ZNF469: variants seen among roughly 807,000 people sequenced by gnomAD.
The protein encoded by ZNF469 is zinc finger protein 469.
A neutral mutation model predicts 1.0 loss-of-function variants in ZNF469; 1 was observed. That is an observed-to-expected ratio of 1.00 (90% confidence interval 0.35 to 4.73). The LOEUF is 4.73. Ranked by LOEUF, ZNF469 falls within the 30% of genes most tolerant of loss-of-function variation. The pLI, the probability that ZNF469 is intolerant of heterozygous loss-of-function variation, is 0.16. For synonymous variants in ZNF469, 2,703 were observed against 2,363.4 expected (o/e 1.14, Z -4.17); for missense variants, 6,100 against 5,356.3 (o/e 1.14, Z -4.33).
upstream of ZNF469, among the ~76,000 whole-genome samples, chr16:88,378,803 G>C (rs969737579): frequency 1.1e-4 from 17 of 152,338 alleles, 1 homozygote; most frequent in East Asian, 2.1e-3. Context: ...GAGCCCATGA[G>C]ATCACAGGTG....
At chr16:88,253,969 T>A in the ZNF469 span, among the ~76,000 whole-genome samples, 2 of 152,262 alleles carry the variant, frequency 1.3e-5, no homozygotes, top group African/African-American at 4.8e-5. Flanking sequence ...AGCTTTTTTT[T>A]TTCCATTTCC....
chr16:88,155,565 CGTGGCCTCTGCCT>C, the ZNF469 span, among the ~76,000 whole-genome samples: 2 of 152,212 alleles, frequency 1.3e-5, no homozygotes, highest in African/African-American at 4.8e-5. Context: ...TCACACAAGA[CGTGGCCTCTGCCT>C]GTGGCCTCTT....
At chr16:88,202,351 G>T in the ZNF469 span, among the ~76,000 whole-genome samples, 1 of 152,114 alleles carries the variant, frequency 6.6e-6, no homozygotes, top group Admixed American at 6.5e-5. Context: ...GCTCAGGACC[G>T]GGGGCTGCTT....
At chr16:88,357,442 G>T in the ZNF469 span, among the ~76,000 whole-genome samples, 580 of 152,214 alleles carry the variant, frequency 3.8e-3, 5 homozygotes, top group African/African-American at 0.013. Flanking sequence ...GGAAGTGTAG[G>T]TTCGAGTCTC....
chr16:88,420,521 C>T (rs1033259148), intron 1 of ZNF469, among the ~76,000 whole-genome samples: 1 of 152,194 alleles, frequency 6.6e-6, no homozygotes, highest in South Asian at 2.1e-4. Context: ...GCAGTGCAGC[C>T]GAGTGTGCAG....
chr16:88,320,515 C>T, the ZNF469 span, among the ~76,000 whole-genome samples: 7 of 152,080 alleles, frequency 4.6e-5, no homozygotes, highest in Admixed American at 4.6e-4. Context: ...TCCAGAGTAG[C>T]CCGGATTACA....
intron 1 of ZNF469, among the ~76,000 whole-genome samples, chr16:88,394,357 G>C (rs1904594373): frequency 6.6e-6 from 1 of 151,616 alleles, no homozygotes; most frequent in Non-Finnish European, 1.5e-5. Context: ...CAGGTGCTCA[G>C]TGGCTTCAGA....
At chr16:88,394,588 T>G (rs994944602) in intron 1 of ZNF469, among the ~76,000 whole-genome samples, 1 of 152,028 alleles carries the variant, frequency 6.6e-6, no homozygotes, top group Non-Finnish European at 1.5e-5. Context: ...GGGTGTGAGG[T>G]GGGGCTGACA....
chr16:88,397,869 C>T (rs963254367), intron 1 of ZNF469, among the ~76,000 whole-genome samples: 11 of 152,272 alleles, frequency 7.2e-5, no homozygotes, highest in African/African-American at 2.4e-4. Context: ...GAGTGACAGT[C>T]GAGGTCAAGA....
chr16:88,402,851 G>A (rs1904921978), intron 1 of ZNF469, among the ~76,000 whole-genome samples: 1 of 152,184 alleles, frequency 6.6e-6, no homozygotes, highest in African/African-American at 2.4e-5. Context: ...AGGCCAGGCT[G>A]GGGCAGCGGT....
chr16:88,331,070 GACC>G, the ZNF469 span, among the ~76,000 whole-genome samples: 5 of 73,352 alleles, frequency 6.8e-5, no homozygotes, highest in South Asian at 9.8e-4. Flanking sequence ...CAACCATCAC[GACC>G]ACCACCACCA....
the ZNF469 span, among the ~76,000 whole-genome samples, chr16:88,332,995 G>T: frequency 6.6e-6 from 1 of 152,206 alleles, no homozygotes; most frequent in African/African-American, 2.4e-5. Context: ...AGCCTCTGTG[G>T]CACCCAGAGG....
At chr16:88,377,340 G>C in the ZNF469 span, among the ~76,000 whole-genome samples, 8 of 152,300 alleles carry the variant, frequency 5.3e-5, no homozygotes, top group Non-Finnish European at 7.4e-5. Flanking sequence ...CCATGGGCCC[G>C]GTGGCTTCCG....
chr16:88,222,420 C>G, the ZNF469 span, among the ~76,000 whole-genome samples: 3 of 152,184 alleles, frequency 2.0e-5, no homozygotes, highest in African/African-American at 7.2e-5. Flanking sequence ...TCCCGAGTAG[C>G]TGGGACTACA....
chr16:88,430,705 A>G lies in ZNF469; in HGVS notation c.3235A>G (p.Arg1079Gly), dbSNP rs966249641. The G allele has an allele frequency of 6.8e-7, 1 of 1,478,936 alleles. No individual in the cohort carries two copies. Among genetic ancestry groups the G allele is most frequent in the Non-Finnish European group, 8.9e-7 (1 of 1,123,946 alleles). The allele number at this position is 1,478,936 out of a possible 1,614,324, so 91.6% of individuals were successfully genotyped here. A position where few individuals can be genotyped will look rare whatever the true frequency, so the allele number is the denominator to read the frequency against. The change falls in exon 3 of 3, where the codon AGG becomes GGG. Residue 1079 changes from arginine (R) to glycine (G), a missense_variant. Coordinates refer to ENST00000565624, the MANE Select transcript of ZNF469 (RefSeq NM_001367624.2). ...CAGGTGCGGCTCCCTGGCGGCGGGG[A>G]GGCCCCGGCCCGGAGCTGAGGACCG... ...AGRCGSLAAG[R>G]PRPGAEDRRL...
chr16:88,385,260 A>G (rs2092534522), intron 1 of ZNF469, among the ~76,000 whole-genome samples: 1 of 151,914 alleles, frequency 6.6e-6, no homozygotes, highest in South Asian at 2.1e-4. Context: ...AGTGCCCTAG[A>G]TATCAGGCCA....
chr16:88,402,800 C>T (rs28583358), intron 1 of ZNF469, among the ~76,000 whole-genome samples: 44,206 of 152,172 alleles, frequency 0.29, 6,896 homozygotes, highest in Non-Finnish European at 0.35. Flanking sequence ...TCCCACTGAA[C>T]TCCCTTATGC....
chr16:88,144,674 G>A, the ZNF469 span, among the ~76,000 whole-genome samples: 22 of 152,276 alleles, frequency 1.4e-4, 1 homozygote, highest in Admixed American at 1.2e-3. Context: ...GTGGCCCAGC[G>A]AAATCCTGAA....
At chr16:88,101,544 C>CTT in the ZNF469 span, among the ~76,000 whole-genome samples, 1,188 of 143,994 alleles carry the variant, frequency 8.3e-3, 7 homozygotes, top group African/African-American at 0.015. Flanking sequence ...TCTCATTACG[C>CTT]TTTTTTTTTT....
Sources: allele counts gnomAD v4.1 joint callset (sites outside exome capture counted in the v4.1 genomes callset), GRCh38; gene constraint gnomAD v4.1.1; transcripts MANE v1.5; gene names NCBI Gene and HGNC (gene_info 2026-07-23, HGNC 2026-07-21).